The following C1QBP variants were observed in gnomAD, a reference collection of about 807,000 sequenced individuals.
C1QBP encodes the protein complement C1q binding protein, also known as complement component 1 Q subcomponent-binding protein, mitochondrial.
In C1QBP, 24 loss-of-function variants were observed where a neutral mutation model predicts 29.4. That is an observed-to-expected ratio of 0.82 (90% CI 0.59 to 1.15). The LOEUF (loss-of-function observed/expected upper bound fraction) is 1.15, where lower values mean the gene tolerates loss of function less well. C1QBP is among the 50% of genes most tolerant of loss of function. C1QBP has a pLI of 0.00. For missense variants in C1QBP, 337 were observed against 355.8 expected (o/e 0.95, Z 0.43); for synonymous variants, 182 against 149.2 (o/e 1.22, Z -1.60).
intron 2 of C1QBP, among the ~76,000 whole-genome samples, chr17:5,436,874 C>T (rs1412642148): frequency 1.3e-5 from 2 of 152,050 alleles, no homozygotes; most frequent in East Asian, 1.9e-4. Flanking sequence ...AAAAATTAAC[C>T]GGACGCACGC....
chr17:5,435,956 G>A (rs920001083), intron 2 of C1QBP, among the ~76,000 whole-genome samples: 1 of 145,738 alleles, frequency 6.9e-6, no homozygotes, highest in South Asian at 2.2e-4. Flanking sequence ...TGAGGCAGGA[G>A]AATTGCTTGA....
In C1QBP at chr17:5,434,938, T is replaced by G. The variant is rs752226762; in HGVS notation, c.412A>C (p.Ser138Arg). Residue 138 changes from serine (S) to arginine (R), a missense_variant, in exon 3 of 6, where the codon AGC becomes CGC. Physicochemically the swap from Ser to Arg is moderately radical, Grantham distance 110. Coordinates refer to ENST00000225698, the MANE Select transcript of C1QBP (RefSeq NM_001212.4). Reference protein sequence around the residue: ...KITVTFNINNSIPPTFDGEEE... With the variant: ...KITVTFNINNRIPPTFDGEEE... ...TCACCATCAAATGTTGGTGGGATGC[T>G]GTTGTTAATGTTGAAAGTGACCGTG... 12 of 1,614,036 alleles carry G rather than the reference T, an allele frequency of 7.4e-6. No individual in the cohort carries two copies. In the Admixed American group the frequency reaches 2.0e-4, roughly 27 times the overall value.
chr17:5,435,325 C>A (rs1567592034), intron 2 of C1QBP, among the ~76,000 whole-genome samples: 1 of 152,344 alleles, frequency 6.6e-6, no homozygotes, highest in East Asian at 1.9e-4. Flanking sequence ...CCAGCTGACA[C>A]TGCCCACCCT....
intron 2 of C1QBP, among the ~76,000 whole-genome samples, chr17:5,436,823 G>T (rs774206266): frequency 8.5e-5 from 13 of 152,184 alleles, no homozygotes; most frequent in East Asian, 1.9e-4. Flanking sequence ...TTTGAGACCA[G>T]CCTGGCCAAC....
In C1QBP at chr17:5,434,861, G is replaced by C; in HGVS notation, c.477+12C>G. 1.2e-6 allele frequency: 2 copies of C among 1,601,724 alleles called. No homozygotes were observed. The highest frequency in any genetic ancestry group is 1.1e-5 in the South Asian group (1 of 90,826). On this transcript the variant is annotated intron_variant, in intron 3 of 5. Transcript: ENST00000225698. ...AGAACTGAGGTAAAAGCTGATTATA[G>C]TATTAGCTTACCTCCTGTTCTTCAA...
At chr17:5,436,304 A>C (rs1916270408) in intron 2 of C1QBP, among the ~76,000 whole-genome samples, 1 of 151,402 alleles carries the variant, frequency 6.6e-6, no homozygotes. Context: ...TACAGAAGAC[A>C]CAATTGACCT....
At chr17:5,434,669 T>C in intron 3 of C1QBP, 1 of 375,122 alleles carries the variant, frequency 2.7e-6, no homozygotes, top group South Asian at 3.2e-5. Context: ...GGTTTCACCA[T>C]GTTGGCCAGG....
chr17:5,434,687 C>T (rs547172195), intron 3 of C1QBP, 186 bp downstream of exon 3: 98 of 442,470 alleles, frequency 2.2e-4, no homozygotes, highest in African/African-American at 1.6e-3. Flanking sequence ...AGGATGGTCT[C>T]GATCTCTTGA....
rs747687245 is a variant in C1QBP, at chr17:5,439,095, G to T, written c.-22C>A. ...GCATCGCGGAAACGACTGCGAACACGTGCAGATGCAAAGGACAACCCAGGC... is the reference window on the plus strand; with the variant it reads ...GCATCGCGGAAACGACTGCGAACACTTGCAGATGCAAAGGACAACCCAGGC... On this transcript the variant is annotated 5_prime_UTR_variant, in exon 1 of 6. Coordinates refer to ENST00000225698, the MANE Select transcript of C1QBP (RefSeq NM_001212.4). 3.2e-6 allele frequency: 5 copies of T among 1,540,282 alleles called. No homozygotes were observed. The highest frequency in any genetic ancestry group is 1.4e-5 in the African/African-American group (1 of 71,600).
At position 5,439,032 on chromosome 17, in the gene C1QBP, G is replaced by C. The variant is rs1341696868; in HGVS notation, c.42C>G (p.Ser14=). 6.6e-7 allele frequency: 1 copy of C among 1,514,626 alleles called. No homozygotes were observed. Among genetic ancestry groups the C allele is most frequent in the South Asian group, 1.2e-5 (1 of 81,378 alleles). The allele number at this position is 1,514,626 out of a possible 1,614,324, so 93.8% of individuals were successfully genotyped here. ...CGGCAGCGCGGAGGCCGGCGACGGA[G>C]GAGCCCAGCACACGGGGCACGCAGC... is the stretch of plus-strand genomic sequence containing the variant. ...LLRCVPRVLG[S]SVAGLRAAAP... Residue 14 remains serine (S), a synonymous_variant, in exon 1 of 6, where the codon TCC becomes TCG. Coordinates refer to ENST00000225698, the MANE Select transcript of C1QBP (RefSeq NM_001212.4).
intron 3 of C1QBP, chr17:5,434,129 A>G: frequency 4.3e-6 from 1 of 230,016 alleles, no homozygotes; most frequent in Non-Finnish European, 8.7e-6. Context: ...AGGAGTCTTC[A>G]TAAGGGACCA....
intron 1 of C1QBP, 72 bp from the exon 2 acceptor site, chr17:5,438,345 T>C (rs2151678036): frequency 6.5e-7 from 1 of 1,535,228 alleles, no homozygotes; most frequent in Non-Finnish European, 8.8e-7. Flanking sequence ...ACCCAGGTTA[T>C]TGCAGCCAGA....
chr17:5,433,415 C>G lies in C1QBP; in HGVS notation c.577G>C (p.Val193Leu). ...CTCTCAGCCTCGTCTTCTTGTCCAACCTGAGAAGAAACAATATTGGGAAAC... is the reference window on the plus strand; with the variant it reads ...CTCTCAGCCTCGTCTTCTTGTCCAAGCTGAGAAGAAACAATATTGGGAAAC... Reference protein sequence around the residue: ...VLDCHYPEDEVGQEDEAESDI... With the variant: ...VLDCHYPEDELGQEDEAESDI... Residue 193 changes from valine to leucine, a missense_variant and splice_region_variant, in exon 5 of 6, where the codon GTT (valine) becomes CTT (leucine). Physicochemically the swap from Val to Leu is conservative, Grantham distance 32. Transcript: ENST00000225698. The G allele has an allele frequency of 1.9e-6, 3 of 1,614,100 alleles. No individual in the cohort carries two copies. The highest frequency in any genetic ancestry group is 2.5e-6 in the Non-Finnish European group (3 of 1,180,034).
chr17:5,434,819 C>T, intron 3 of C1QBP, 54 bp downstream of exon 3: 1 of 1,526,002 alleles, frequency 6.6e-7, no homozygotes, highest in Non-Finnish European at 9.1e-7. Flanking sequence ...TCCTCTAAGC[C>T]CCAGGCACAG....
chr17:5,438,523 A>G (rs904339436), intron 1 of C1QBP: 2 of 696,496 alleles, frequency 2.9e-6, no homozygotes, highest in Non-Finnish European at 4.6e-6. Context: ...AGAATTTCCA[A>G]TCCTCTTCCA....
In C1QBP at chr17:5,438,873, A is replaced by C; in HGVS notation, c.201T>G (p.Cys67Trp). ...TGTGCAGCGAGCCGCAGCCACAGCCACAGGCGCAGGGTCCGCGAGGCCGCA... is the reference window on the plus strand; with the variant it reads ...TGTGCAGCGAGCCGCAGCCACAGCCCCAGGCGCAGGGTCCGCGAGGCCGCA... Reference protein sequence around the residue: ...GLLRPRGPCACGCGCGSLHTD... With the variant: ...GLLRPRGPCAWGCGCGSLHTD... The change falls in exon 1 of 6, where the codon TGT becomes TGG. Residue 67 changes from cysteine to tryptophan, a missense_variant. Cys to Trp is a radical substitution (Grantham distance 215, BLOSUM62 -2). Transcript: ENST00000225698. 6.5e-7 allele frequency: 1 copy of C among 1,545,624 alleles called. No homozygotes were observed. Among genetic ancestry groups the C allele is most frequent in the South Asian group, 1.2e-5 (1 of 83,928 alleles).
In C1QBP at chr17:5,435,480, C is replaced by G. The variant is rs75549428; in HGVS notation, c.384-514G>C. On this transcript the variant is annotated intron_variant, in intron 2 of 5. Transcript: ENST00000225698. ...GATGGAGGGTGCCTCTGCTAAACAC[C>G]GAGAGCAGCCCTGGAACGGGGAAGG... is the stretch of plus-strand genomic sequence containing the variant. Among the ~76,000 whole-genome samples, 744 of 152,154 alleles carry G rather than the reference C, an allele frequency of 4.9e-3. 4 individuals carry two copies. The highest frequency in any genetic ancestry group is 0.016 in the African/African-American group (675 of 41,502).
At chr17:5,435,869 A>G (rs1391335957) in intron 2 of C1QBP, among the ~76,000 whole-genome samples, 1 of 88,582 alleles carries the variant, frequency 1.1e-5, no homozygotes, top group Non-Finnish European at 2.0e-5. Context: ...CTCTACTAAA[A>G]AATACAAAAA....
chr17:5,435,022 G>T (rs972272690), intron 2 of C1QBP, 56 bp from the exon 3 acceptor site: 4 of 1,440,960 alleles, frequency 2.8e-6, no homozygotes, highest in African/African-American at 1.4e-5. Context: ...GGTTTTAACC[G>T]AGCAGGTTAA....
Sources: allele counts gnomAD v4.1 joint callset (sites outside exome capture counted in the v4.1 genomes callset), GRCh38; gene constraint gnomAD v4.1.1; transcripts MANE v1.5; gene names NCBI Gene and HGNC (gene_info 2026-07-23, HGNC 2026-07-21).